CAMK4: variants seen among roughly 807,000 people sequenced by gnomAD.
The protein encoded by CAMK4 is calcium/calmodulin-dependent protein kinase type IV.
Under a neutral mutation model 44.9 loss-of-function variants are expected in CAMK4, and 22 were observed. The observed-to-expected ratio is 0.49, with a 90% CI of 0.35 to 0.70. The LOEUF (loss-of-function observed/expected upper bound fraction) is 0.70. CAMK4 is among the 30% of genes least tolerant of loss of function. The pLI, the probability that CAMK4 is intolerant of heterozygous loss-of-function variation, is 0.01. For synonymous variants in CAMK4, 218 were observed against 215.4 expected (o/e 1.01, Z -0.11); for missense variants, 498 against 586.8 (o/e 0.85, Z 1.56).
intron 7 of CAMK4, among the ~76,000 whole-genome samples, chr5:111,469,034 C>T (rs1356089080): frequency 6.7e-6 from 1 of 150,122 alleles, no homozygotes; most frequent in African/African-American, 2.5e-5. Flanking sequence ...ATCCCAGCTA[C>T]TCAGGAGGCT....
chr5:111,443,259 TATATATATATATATATATATACACACAC>T (rs1245991325), intron 5 of CAMK4, among the ~76,000 whole-genome samples: 4 of 42,432 alleles, frequency 9.4e-5, no homozygotes, highest in African/African-American at 3.6e-4. Flanking sequence ...TATATATATA[TATATATATATATATATATATACACACAC>T]ACACACACAC....
At position 111,486,103 on chromosome 5, in the gene CAMK4, A is replaced by G. The variant is rs1168208581; in HGVS notation, c.*1637A>G. On this transcript the variant is annotated 3_prime_UTR_variant, in exon 11 of 11. Coordinates refer to ENST00000282356, the MANE Select transcript of CAMK4 (RefSeq NM_001744.6). ...AATTAGAAAACGAAACTAAAGCTCC[A>G]GTTTGTAGAGGCTGTTGGACCTCAG... is the stretch of plus-strand genomic sequence containing the variant. 4 of 152,186 alleles carry G rather than the reference A, an allele frequency of 2.6e-5. No individual in the cohort carries two copies. The highest frequency in any genetic ancestry group is 9.6e-5 in the African/African-American group (4 of 41,458). 9.4% of individuals were successfully genotyped at this position (152,186 alleles called of 1,614,324 possible). A position where few individuals can be genotyped will look rare whatever the true frequency, so the allele number is the denominator to read the frequency against.
chr5:111,275,522 T>C (rs185550246), intron 1 of CAMK4, among the ~76,000 whole-genome samples: 35 of 152,212 alleles, frequency 2.3e-4, no homozygotes, highest in Admixed American at 6.5e-4. Context: ...ATACCTCCTG[T>C]AGTGATTCTT....
At chr5:111,303,257 C>T (rs1484926178) in intron 1 of CAMK4, among the ~76,000 whole-genome samples, 6 of 133,790 alleles carry the variant, frequency 4.5e-5, no homozygotes, top group African/African-American at 1.8e-4. Context: ...ATGATTTTGA[C>T]GAGCTGAGAG....
At position 111,485,492 on chromosome 5, in the gene CAMK4, TA is replaced by T. The variant is rs1287862891; in HGVS notation, c.*1028del. The T allele has an allele frequency of 1.3e-5, 2 of 152,330 alleles. 1 individual carries two copies. Among genetic ancestry groups the T allele is most frequent in the African/African-American group, 4.8e-5 (2 of 41,594 alleles). 9.4% of individuals were successfully genotyped at this position (152,330 alleles called of 1,614,324 possible). On this transcript the variant is annotated 3_prime_UTR_variant, in exon 11 of 11. Transcript: ENST00000282356. The stretch of plus-strand genomic sequence containing the variant: ...TTTTAAGATTATTCATTATTGACTT[TA>T]ATAGAGTAAGAAAACATTATTGTTT...
chr5:111,394,599 G>C (rs1165734832), intron 4 of CAMK4, 111 bp from the exon 5 acceptor site: 1 of 677,964 alleles, frequency 1.5e-6, no homozygotes, highest in Non-Finnish European at 2.6e-6. Context: ...ATGGTAGCTT[G>C]TTTCAATTGT....
intron 5 of CAMK4, among the ~76,000 whole-genome samples, chr5:111,398,755 T>A (rs1311103005): frequency 6.6e-6 from 1 of 152,172 alleles, no homozygotes. Context: ...AAAACTCTTA[T>A]AAGGTTCCCT....
rs539153474 is a variant in CAMK4 at position 111,450,722 on chromosome 5, A to G, written c.625+1519A>G. Reference sequence around the variant, plus strand: ...AGAATCCCTTGCACCTGGGAGGTAGAGGTTACAGTGAAGCAAGATTGCACC... The same window carrying G: ...AGAATCCCTTGCACCTGGGAGGTAGGGGTTACAGTGAAGCAAGATTGCACC... On this transcript the variant is annotated intron_variant, in intron 7 of 10. Transcript: ENST00000282356. Among the ~76,000 whole-genome samples the G allele has an allele frequency of 7.8e-4, 118 of 150,928 alleles. 2 individuals are homozygous for G. The highest frequency in any genetic ancestry group is 2.6e-3 in the African/African-American group (108 of 40,788).
intron 1 of CAMK4, among the ~76,000 whole-genome samples, chr5:111,329,315 C>T (rs185368517): frequency 2.6e-5 from 4 of 151,930 alleles, no homozygotes; most frequent in Non-Finnish European, 4.4e-5. Flanking sequence ...TAAAAATGGG[C>T]ACAAGACAGG....
At chr5:111,449,096 G>A (rs371293355) in intron 6 of CAMK4, 33 bp from the exon 7 acceptor site, 68 of 887,164 alleles carry the variant, frequency 7.7e-5, no homozygotes, top group African/African-American at 2.7e-4. Flanking sequence ...CTGAGAAGAC[G>A]TGCTTCATTA....
intron 5 of CAMK4, among the ~76,000 whole-genome samples, chr5:111,406,742 A>G (rs1478513707): frequency 2.0e-5 from 3 of 152,202 alleles, no homozygotes; most frequent in African/African-American, 7.2e-5. Context: ...GTGATTAAGA[A>G]AAGAGGATAA....
chr5:111,474,094 T>C (rs537531101), intron 8 of CAMK4, among the ~76,000 whole-genome samples: 127 of 152,070 alleles, frequency 8.4e-4, no homozygotes, highest in African/African-American at 3.0e-3. Context: ...GTAGAACAAC[T>C]AGAAAATAAG....
rs144856303 is a variant in CAMK4 at position 111,427,991 on chromosome 5, C to A, written c.460-18695C>A. Among the ~76,000 whole-genome samples the A allele has an allele frequency of 1.5e-3, 232 of 152,360 alleles. No homozygotes were observed. In the Middle Eastern group the frequency reaches 0.024, roughly 16 times the overall value. On this transcript the variant is annotated intron_variant, in intron 5 of 10. Transcript: ENST00000282356. ...AGCACAGTCATACCAGTGGTGGCCA[C>A]AGGGGTGCTTGTGTCACTCCATCCC...
At chr5:111,388,176 T>C (rs944056802) in intron 4 of CAMK4, among the ~76,000 whole-genome samples, 1 of 152,040 alleles carries the variant, frequency 6.6e-6, no homozygotes, top group African/African-American at 2.4e-5. Flanking sequence ...GTGTGCGGAG[T>C]TCACACTGAA....
In CAMK4 at chr5:111,374,912, T is replaced by G. The variant is rs1214421507; in HGVS notation, c.303T>G (p.Ile101Met). The G allele has an allele frequency of 1.2e-6, 2 of 1,606,778 alleles. No individual in the cohort carries two copies. The change falls in exon 3 of 11, where the codon ATT becomes ATG. Residue 101 changes from isoleucine (I) to methionine (M), a missense_variant and splice_region_variant. This residue lies in a region of CAMK4 where 152 missense variants were observed against 143.7 expected (regional missense o/e 1.06). Coordinates refer to ENST00000282356, the MANE Select transcript of CAMK4 (RefSeq NM_001744.6). ...GVLLRLSHPN[I>M]IKLKEIFETP... Reference sequence around the variant, plus strand: ...TTCTTCGCCTCTCACATCCAAACATTGTAAGTGGTTTTTAACCTACTATTT... The same window carrying G: ...TTCTTCGCCTCTCACATCCAAACATGGTAAGTGGTTTTTAACCTACTATTT...
rs553100341 is a variant in CAMK4 at position 111,300,176 on chromosome 5, A to G, written c.162-43848A>G. Among the ~76,000 whole-genome samples, 28 of 152,346 alleles carry G rather than the reference A, an allele frequency of 1.8e-4. No individual in the cohort carries two copies. In the South Asian group the frequency reaches 5.0e-3, roughly 27 times the overall value. The stretch of plus-strand genomic sequence containing the variant: ...TTGAAATCACAGAAATGATAAAACA[A>G]TTGTATACTAATGTCAGAATCATGG... On this transcript the variant is annotated intron_variant, in intron 1 of 10. Coordinates refer to ENST00000282356, the MANE Select transcript of CAMK4 (RefSeq NM_001744.6).
intron 2 of CAMK4, among the ~76,000 whole-genome samples, chr5:111,344,311 G>C (rs1380839176): frequency 6.6e-6 from 1 of 151,680 alleles, no homozygotes; most frequent in Admixed American, 6.6e-5. Flanking sequence ...ATTGGATGTG[G>C]TTCTGGGGAG....
At chr5:111,428,025 G>C (rs1018152878) in intron 5 of CAMK4, among the ~76,000 whole-genome samples, 1 of 152,236 alleles carries the variant, frequency 6.6e-6, no homozygotes, top group Non-Finnish European at 1.5e-5. Flanking sequence ...CCCAGATGTA[G>C]GTGGCTCAGA....
At chr5:111,384,604 T>C (rs1428852453) in intron 4 of CAMK4, among the ~76,000 whole-genome samples, 1 of 152,302 alleles carries the variant, frequency 6.6e-6, no homozygotes, top group East Asian at 1.9e-4. Flanking sequence ...CCCTGTGAAC[T>C]GATTCACCAA....
Sources: gnomAD v4.1 joint callset for allele counts (sites outside exome capture counted in the v4.1 genomes callset) on GRCh38, gnomAD v4.1.1 for gene constraint, gnomAD v4.1.1 regional missense constraint, MANE v1.5 for transcripts, NCBI Gene and HGNC (gene_info 2026-07-23, HGNC 2026-07-21) for gene names.